SIAH3: variants seen among roughly 807,000 people sequenced by gnomAD.
SIAH3 encodes seven in absentia homolog 3.
Under a neutral mutation model 12.6 loss-of-function variants are expected in SIAH3, and 9 were observed. The ratio of observed to expected loss-of-function variants is 0.72; its 90% CI spans 0.43 to 1.25. The LOEUF (loss-of-function observed/expected upper bound fraction) is 1.25, where lower values mean the gene tolerates loss of function less well. Ranked by LOEUF, SIAH3 falls within the 50% of genes most tolerant of loss-of-function variation. The pLI, the probability that SIAH3 is intolerant of heterozygous loss-of-function variation, is 0.00. For missense variants in SIAH3, 390 were observed against 365.4 expected, an observed-to-expected ratio of 1.07 and a Z score of -0.55; for synonymous variants, 154 against 151.1, an observed-to-expected ratio of 1.02 and a Z score of -0.14.
At position 45,844,644 on chromosome 13, in the gene SIAH3, A is replaced by T. The variant is rs188720049; in HGVS notation, c.135+6851T>A. Among the ~76,000 whole-genome samples the T allele has an allele frequency of 3.9e-5, 6 of 152,326 alleles. No homozygotes were observed. The East Asian group carries it at 1.2e-3, about 29-fold the overall frequency. On this transcript the variant is annotated intron_variant, in intron 1 of 1. Coordinates refer to ENST00000400405, the MANE Select transcript of SIAH3 (RefSeq NM_198849.3). ...CTAATAAATCCCCTCTCATATATCC[A>T]TATACATACATATCTTATTGGTTCT... is the stretch of plus-strand genomic sequence containing the variant.
At chr13:45,817,125 C>T (rs1272455252) in intron 1 of SIAH3, among the ~76,000 whole-genome samples, 3 of 152,362 alleles carry the variant, frequency 2.0e-5, no homozygotes, top group East Asian at 3.9e-4. Context: ...TAAACATACA[C>T]GCAGACACAC....
At chr13:45,810,673 GA>G (rs1487409569) in intron 1 of SIAH3, among the ~76,000 whole-genome samples, 1 of 152,180 alleles carries the variant, frequency 6.6e-6, no homozygotes, top group African/African-American at 2.4e-5. Context: ...TGGGAGTCTA[GA>G]ATTCATACTC....
intron 1 of SIAH3, among the ~76,000 whole-genome samples, chr13:45,841,600 T>C (rs1396818416): frequency 2.0e-5 from 3 of 152,216 alleles, no homozygotes; most frequent in African/African-American, 7.2e-5. Context: ...CAAGTAAAAC[T>C]GACACTTCCA....
chr13:45,804,751 C>T (rs1395679320), intron 1 of SIAH3, among the ~76,000 whole-genome samples: 1 of 151,950 alleles, frequency 6.6e-6, no homozygotes, highest in Non-Finnish European at 1.5e-5. Flanking sequence ...AAAAGGTATC[C>T]AAACAGGAAA....
At chr13:45,820,764 G>A (rs1950652949) in intron 1 of SIAH3, among the ~76,000 whole-genome samples, 1 of 152,144 alleles carries the variant, frequency 6.6e-6, no homozygotes, top group Non-Finnish European at 1.5e-5. Flanking sequence ...TCCTCTCCCA[G>A]GTTCTGGGGC....
At chr13:45,849,507 A>G (rs1950772166) in intron 1 of SIAH3, among the ~76,000 whole-genome samples, 1 of 152,204 alleles carries the variant, frequency 6.6e-6, no homozygotes, top group South Asian at 2.1e-4. Flanking sequence ...TTTCAGTCTC[A>G]AAAGCTGAGG....
intron 1 of SIAH3, among the ~76,000 whole-genome samples, chr13:45,788,024 G>A (rs1172769259): frequency 1.3e-5 from 2 of 152,146 alleles, no homozygotes; most frequent in Non-Finnish European, 2.9e-5. Flanking sequence ...AGCAGCCAAG[G>A]GTATAATCCA....
At chr13:45,803,192 C>T (rs1181073508) in intron 1 of SIAH3, among the ~76,000 whole-genome samples, 1 of 152,178 alleles carries the variant, frequency 6.6e-6, no homozygotes, top group Non-Finnish European at 1.5e-5. Context: ...TCTTAGGTCA[C>T]AGGTGCATAC....
intron 1 of SIAH3, among the ~76,000 whole-genome samples, chr13:45,791,884 C>T (rs1950546630): frequency 1.3e-5 from 2 of 152,142 alleles, no homozygotes; most frequent in Non-Finnish European, 1.5e-5. Context: ...CTTGGCAGGA[C>T]CCCTGAGCTA....
intron 1 of SIAH3, among the ~76,000 whole-genome samples, chr13:45,798,609 G>T (rs191232011): frequency 1.3e-5 from 2 of 152,176 alleles, no homozygotes; most frequent in Admixed American, 1.3e-4. Context: ...TAGTTAAGTT[G>T]TCTTGAACTT....
chr13:45,839,946 G>C (rs1415527734), intron 1 of SIAH3, among the ~76,000 whole-genome samples: 2 of 151,988 alleles, frequency 1.3e-5, no homozygotes, highest in African/African-American at 4.8e-5. Flanking sequence ...AGGAGAGCTA[G>C]CTCAACATCA....
At position 45,782,674 on chromosome 13, in the gene SIAH3, G is replaced by A. The variant is rs1330072597; in HGVS notation, c.*709C>T. 2.6e-5 allele frequency: 4 copies of A among 152,190 alleles called. No individual in the cohort carries two copies. Among genetic ancestry groups the A allele is most frequent in the African/African-American group, 9.7e-5 (4 of 41,432 alleles). The allele number at this position is 152,190 out of a possible 1,614,324, so 9.4% of individuals were successfully genotyped here. A position where few individuals can be genotyped will look rare whatever the true frequency, so the allele number is the denominator to read the frequency against. On this transcript the variant is annotated 3_prime_UTR_variant, in exon 2 of 2. Transcript: ENST00000400405. ...GGACTTTGATTCCAGAGCAGGAGAA[G>A]ACGGCACAGCCTGGGAACAAGGTGA...
chr13:45,816,627 T>C (rs543820240), intron 1 of SIAH3, among the ~76,000 whole-genome samples: 2 of 152,326 alleles, frequency 1.3e-5, no homozygotes, highest in East Asian at 1.9e-4. Context: ...CTCACTGCAC[T>C]GTGCACCTTG....
chr13:45,784,398 GT>G (rs35686357), intron 1 of SIAH3, among the ~76,000 whole-genome samples: 690 of 65,802 alleles, frequency 0.01, 1 homozygote, highest in East Asian at 0.062. Flanking sequence ...AAAGACAGCT[GT>G]TTTTTTTTTT....
intron 1 of SIAH3, among the ~76,000 whole-genome samples, chr13:45,822,641 T>C (rs1419272246): frequency 7.1e-6 from 1 of 140,038 alleles, no homozygotes; most frequent in Non-Finnish European, 1.5e-5. Context: ...TCTTATATTT[T>C]TGATTTCCTA....
At chr13:45,814,732 CT>C (rs11386908) in intron 1 of SIAH3, among the ~76,000 whole-genome samples, 2 of 146,702 alleles carry the variant, frequency 1.4e-5, no homozygotes, top group Non-Finnish European at 1.5e-5. Context: ...TTTGCCATTA[CT>C]TTTTTTTTTT....
chr13:45,788,978 A>G (rs1315096948), intron 1 of SIAH3, among the ~76,000 whole-genome samples: 1 of 152,168 alleles, frequency 6.6e-6, no homozygotes, highest in Non-Finnish European at 1.5e-5. Context: ...GGGTAGGGTA[A>G]CATTTCTGGG....
chr13:45,790,412 C>T (rs563437148), intron 1 of SIAH3, among the ~76,000 whole-genome samples: 32 of 152,184 alleles, frequency 2.1e-4, no homozygotes, highest in Admixed American at 2.0e-3. Context: ...CTGACCAAGC[C>T]GGTCTTCTTA....
At chr13:45,815,328 C>T (rs2137566730) in intron 1 of SIAH3, among the ~76,000 whole-genome samples, 1 of 151,864 alleles carries the variant, frequency 6.6e-6, no homozygotes, top group Admixed American at 6.5e-5. Context: ...CCAGCCTCAT[C>T]CAAGCAGTTG....
Sources: gnomAD v4.1 joint callset for allele counts (sites outside exome capture counted in the v4.1 genomes callset) on GRCh38, gnomAD v4.1.1 for gene constraint, MANE v1.5 for transcripts, NCBI Gene and HGNC (gene_info 2026-07-23, HGNC 2026-07-21) for gene names.